Variants in MDGA2 observed in about 807,000 individuals in gnomAD.
The protein encoded by MDGA2 is MAM domain containing glycosylphosphatidylinositol anchor 2.
MDGA2 carries 40 observed loss-of-function variants against 117.8 expected under a neutral mutation model. The observed-to-expected ratio is 0.34, with a 90% confidence interval of 0.26 to 0.44. The LOEUF (loss-of-function observed/expected upper bound fraction) is 0.44, where lower values mean the gene tolerates loss of function less well. Ranked by LOEUF, MDGA2 falls within the 20% of genes least tolerant of loss-of-function variation. The probability of loss-of-function intolerance (pLI) is 1.00; values close to 1 mark genes in which losing one functional copy is unlikely to be tolerated. For missense variants in MDGA2, 1,123 were observed against 1,250.6 expected (o/e 0.90, Z 1.54); for synonymous variants, 452 against 439.0 (o/e 1.03, Z -0.37).
At chr14:47,281,436 AT>A (rs971756563) in intron 2 of MDGA2, among the ~76,000 whole-genome samples, 1 of 152,124 alleles carries the variant, frequency 6.6e-6, no homozygotes, top group African/African-American at 2.4e-5. Context: ...TAGAGGCTTA[AT>A]TGTGTTTATT....
rs535159678 is a variant in MDGA2 at position 47,571,162 on chromosome 14, A to C, written c.280+103355T>G. On this transcript the variant is annotated intron_variant, in intron 1 of 16. Transcript: ENST00000399232. ...CAACAAACATGAAAAAAACTTCATC[A>C]TCACTGGTCGTTACAGAAATGCAAA... Among the ~76,000 whole-genome samples, 22 of 152,374 alleles carry C rather than the reference A, an allele frequency of 1.4e-4. 1 individual carries two copies. In the South Asian group the frequency reaches 4.6e-3, roughly 32 times the overall value.
chr14:47,214,010 G>A (rs1383919897), intron 3 of MDGA2, among the ~76,000 whole-genome samples: 6 of 152,026 alleles, frequency 3.9e-5, no homozygotes, highest in Non-Finnish European at 7.4e-5. Context: ...AGTACCGAGC[G>A]AAGAGGGGGG....
chr14:47,063,780 T>G (rs865900213), intron 6 of MDGA2, among the ~76,000 whole-genome samples: 30 of 151,976 alleles, frequency 2.0e-4, no homozygotes, highest in African/African-American at 6.5e-4. Context: ...ATGACTAATA[T>G]CAGGGTTCAT....
intron 1 of MDGA2, among the ~76,000 whole-genome samples, chr14:47,471,386 T>C (rs1893725638): frequency 6.6e-6 from 1 of 152,112 alleles, no homozygotes; most frequent in African/African-American, 2.4e-5. Context: ...ATTTCTACTC[T>C]AGATTAAACT....
intron 2 of MDGA2, among the ~76,000 whole-genome samples, chr14:47,224,347 G>A (rs571884076): frequency 2.5e-5 from 2 of 81,190 alleles, no homozygotes; most frequent in South Asian, 9.3e-4. Flanking sequence ...AAACATCATT[G>A]CTTTTACATA....
chr14:47,230,713 C>T (rs1594741533), intron 2 of MDGA2, among the ~76,000 whole-genome samples: 2 of 151,934 alleles, frequency 1.3e-5, no homozygotes, highest in South Asian at 4.1e-4. Flanking sequence ...ACCTTTACAT[C>T]TGTCAGTTTA....
chr14:47,429,244 C>T (rs899028954), intron 1 of MDGA2, among the ~76,000 whole-genome samples: 16 of 150,942 alleles, frequency 1.1e-4, no homozygotes, highest in African/African-American at 3.4e-4. Context: ...ACAAACAAAC[C>T]CCTAAGAAAT....
At chr14:47,164,271 C>T (rs1883769098) in intron 3 of MDGA2, among the ~76,000 whole-genome samples, 1 of 152,154 alleles carries the variant, frequency 6.6e-6, no homozygotes, top group Non-Finnish European at 1.5e-5. Flanking sequence ...AAATTTTAGG[C>T]ACATTCCACA....
intron 1 of MDGA2, among the ~76,000 whole-genome samples, chr14:47,426,981 T>G (rs1238494523): frequency 6.6e-6 from 1 of 152,026 alleles, no homozygotes. Context: ...ATCAAAGTAA[T>G]AATAGTTAGC....
At chr14:47,382,172 T>A (rs9652334) in intron 1 of MDGA2, among the ~76,000 whole-genome samples, 4 of 152,002 alleles carry the variant, frequency 2.6e-5, no homozygotes, top group Admixed American at 2.0e-4. Context: ...TGAAACTGGA[T>A]CCCTTCCTTA....
chr14:47,615,851 C>T (rs563414307), intron 1 of MDGA2, among the ~76,000 whole-genome samples: 18 of 152,164 alleles, frequency 1.2e-4, no homozygotes, highest in African/African-American at 3.4e-4. Flanking sequence ...ATACTGACCC[C>T]AGAACTGAGT....
intron 1 of MDGA2, among the ~76,000 whole-genome samples, chr14:47,641,535 C>A (rs1038354678): frequency 3.3e-5 from 5 of 151,896 alleles, no homozygotes; most frequent in African/African-American, 1.2e-4. Flanking sequence ...AGAGAGGATA[C>A]CAAAAAGAAA....
chr14:47,650,449 T>C (rs1384847972), intron 1 of MDGA2, among the ~76,000 whole-genome samples: 4 of 152,208 alleles, frequency 2.6e-5, no homozygotes, highest in Non-Finnish European at 4.4e-5. Flanking sequence ...GTGTGGAGTG[T>C]GCAGGTTCTC....
chr14:46,990,870 A>C (rs1048149099), intron 8 of MDGA2, among the ~76,000 whole-genome samples: 3 of 85,892 alleles, frequency 3.5e-5, no homozygotes, highest in Non-Finnish European at 7.4e-5. Context: ...ACACACCCAC[A>C]CACACACACA....
At chr14:46,935,394 T>C (rs1475232904) in intron 9 of MDGA2, among the ~76,000 whole-genome samples, 2 of 152,086 alleles carry the variant, frequency 1.3e-5, no homozygotes, top group Admixed American at 6.6e-5. Flanking sequence ...CTAAAGTATC[T>C]AGTCAATCAT....
intron 14 of MDGA2, among the ~76,000 whole-genome samples, chr14:46,865,061 T>C (rs1255080811): frequency 1.3e-5 from 2 of 152,118 alleles, no homozygotes; most frequent in African/African-American, 4.8e-5. Context: ...TATTTGAGAA[T>C]ATATTTGATA....
intron 9 of MDGA2, among the ~76,000 whole-genome samples, chr14:46,926,281 G>A (rs28393993): frequency 0.02 from 3,016 of 151,694 alleles, 99 homozygotes; most frequent in African/African-American, 0.068. Flanking sequence ...TTTAAATGGC[G>A]GTAAGGAAAG....
At chr14:47,427,846 T>A (rs567323484) in intron 1 of MDGA2, among the ~76,000 whole-genome samples, 10 of 152,266 alleles carry the variant, frequency 6.6e-5, no homozygotes, top group Non-Finnish European at 1.3e-4. Flanking sequence ...GTGTGACAGA[T>A]GTGTTTCTCA....
intron 6 of MDGA2, among the ~76,000 whole-genome samples, chr14:47,078,632 T>C (rs1890586025): frequency 6.6e-6 from 1 of 152,166 alleles, no homozygotes; most frequent in Admixed American, 6.5e-5. Flanking sequence ...GATAACTTCA[T>C]TCACACATTT....
Sources: allele counts gnomAD v4.1 joint callset (sites outside exome capture counted in the v4.1 genomes callset), GRCh38; gene constraint gnomAD v4.1.1; transcripts MANE v1.5; gene names NCBI Gene and HGNC (gene_info 2026-07-23, HGNC 2026-07-21).